The following SV2C variants were observed in gnomAD, a reference collection of about 807,000 sequenced individuals.
SV2C encodes the protein synaptic vesicle glycoprotein 2C.
SV2C carries 49 observed loss-of-function variants against 79.7 expected under a neutral mutation model. That is an observed-to-expected ratio of 0.61 (90% CI 0.49 to 0.78). The LOEUF (loss-of-function observed/expected upper bound fraction) is 0.78, where lower values mean the gene tolerates loss of function less well. SV2C is among the 30% of genes least tolerant of loss of function. The pLI, the probability that SV2C is intolerant of heterozygous loss-of-function variation, is 0.00. For missense variants in SV2C, 833 were observed against 912.9 expected (o/e 0.91, Z 1.13); for synonymous variants, 334 against 333.2 (o/e 1.00, Z -0.03).
chr5:75,907,491 G>T, the SV2C span, among the ~76,000 whole-genome samples: 1 of 152,032 alleles, frequency 6.6e-6, no homozygotes, highest in Admixed American at 6.6e-5. Flanking sequence ...GGGGAGGATG[G>T]GATATGGGGA....
chr5:76,053,112 C>CAA, the SV2C span, among the ~76,000 whole-genome samples: 1,725 of 139,544 alleles, frequency 0.012, 46 homozygotes, highest in African/African-American at 0.04. Flanking sequence ...CAATATGGGC[C>CAA]AAAAAAAAAA....
chr5:75,972,021 G>A, the SV2C span, among the ~76,000 whole-genome samples: 556 of 152,074 alleles, frequency 3.7e-3, 5 homozygotes, highest in African/African-American at 0.012. Flanking sequence ...AAATAATGCC[G>A]CATATCTACA....
the SV2C span, among the ~76,000 whole-genome samples, chr5:75,982,282 C>T: frequency 5.3e-5 from 8 of 150,556 alleles, no homozygotes; most frequent in African/African-American, 1.7e-4. Flanking sequence ...AAAAACCCAA[C>T]TCCATTAAAA....
the SV2C span, among the ~76,000 whole-genome samples, chr5:75,926,562 C>T: frequency 2.6e-5 from 4 of 152,090 alleles, no homozygotes; most frequent in Non-Finnish European, 4.4e-5. Context: ...GCTGATTCTA[C>T]TTTTTATCTG....
chr5:76,008,140 C>T, the SV2C span, among the ~76,000 whole-genome samples: 1 of 152,184 alleles, frequency 6.6e-6, no homozygotes, highest in East Asian at 1.9e-4. Flanking sequence ...CTCTTGCTTA[C>T]ATTCTCACAG....
At chr5:75,926,602 C>A in the SV2C span, among the ~76,000 whole-genome samples, 1 of 152,104 alleles carries the variant, frequency 6.6e-6, no homozygotes, top group African/African-American at 2.4e-5. Context: ...GGCTCTGAAT[C>A]CAAGCCACTA....
chr5:76,202,078 C>T (rs971177875), intron 3 of SV2C, among the ~76,000 whole-genome samples: 1 of 151,176 alleles, frequency 6.6e-6, no homozygotes, highest in South Asian at 2.1e-4. Context: ...TTATTGCTTC[C>T]AAATATTCAA....
chr5:76,322,053 A>G (rs557004746), intron 12 of SV2C, among the ~76,000 whole-genome samples: 6 of 152,304 alleles, frequency 3.9e-5, no homozygotes, highest in African/African-American at 1.4e-4. Context: ...TTTCACCTCC[A>G]TAGTATCTGA....
the SV2C span, among the ~76,000 whole-genome samples, chr5:75,969,610 C>G: frequency 6.6e-6 from 1 of 152,190 alleles, no homozygotes; most frequent in East Asian, 1.9e-4. Flanking sequence ...ATCAATTCAA[C>G]AAGAAGAACT....
the SV2C span, among the ~76,000 whole-genome samples, chr5:76,053,291 A>G: frequency 6.6e-6 from 1 of 152,120 alleles, no homozygotes; most frequent in Non-Finnish European, 1.5e-5. Flanking sequence ...AAAACTCCCA[A>G]TTGACACAAG....
At chr5:76,119,396 G>T (rs1268721050) in intron 1 of SV2C, among the ~76,000 whole-genome samples, 1 of 152,192 alleles carries the variant, frequency 6.6e-6, no homozygotes, top group Non-Finnish European at 1.5e-5. Flanking sequence ...GATGCCAGAA[G>T]TGGAAAAGGA....
the SV2C span, among the ~76,000 whole-genome samples, chr5:76,033,964 A>G: frequency 2.6e-5 from 4 of 152,110 alleles, no homozygotes; most frequent in Non-Finnish European, 5.9e-5. Context: ...GGTCCTTCCC[A>G]TCCCTTGTAA....
chr5:75,861,105 G>A, the SV2C span, among the ~76,000 whole-genome samples: 2 of 152,096 alleles, frequency 1.3e-5, no homozygotes, highest in East Asian at 1.9e-4. Flanking sequence ...TCCAGAATCT[G>A]TAAGGAACAT....
intron 12 of SV2C, among the ~76,000 whole-genome samples, chr5:76,308,357 C>G (rs1223942768): frequency 6.6e-6 from 1 of 152,184 alleles, no homozygotes; most frequent in Non-Finnish European, 1.5e-5. Flanking sequence ...CTCATTACCA[C>G]CCAGCAGGGA....
chr5:75,881,055 C>A, the SV2C span, among the ~76,000 whole-genome samples: 1 of 152,096 alleles, frequency 6.6e-6, no homozygotes, highest in Admixed American at 6.6e-5. Flanking sequence ...CACTTTTAAA[C>A]AACCAGATCC....
At chr5:76,066,795 T>TAAA in the SV2C span, among the ~76,000 whole-genome samples, 6 of 122,118 alleles carry the variant, frequency 4.9e-5, no homozygotes, top group African/African-American at 1.8e-4. Context: ...AGGACCCTGT[T>TAAA]AAAAAAAAAA....
intron 2 of SV2C, among the ~76,000 whole-genome samples, chr5:76,138,486 A>T (rs767767452): frequency 2.0e-5 from 3 of 152,206 alleles, no homozygotes; most frequent in Non-Finnish European, 2.9e-5. Flanking sequence ...TTAATAGAAG[A>T]TATCACCTGT....
chr5:75,870,187 A>G, the SV2C span, among the ~76,000 whole-genome samples: 2 of 152,290 alleles, frequency 1.3e-5, no homozygotes, highest in Middle Eastern at 3.4e-3. Context: ...AATTCTAGAG[A>G]AACAAAGACA....
At chr5:75,998,554 G>A in the SV2C span, among the ~76,000 whole-genome samples, 1 of 152,060 alleles carries the variant, frequency 6.6e-6, no homozygotes, top group African/African-American at 2.4e-5. Context: ...AGAGAATCTA[G>A]AACATGGAAT....
Sources: allele counts gnomAD v4.1 joint callset (sites outside exome capture counted in the v4.1 genomes callset), GRCh38; gene constraint gnomAD v4.1.1; transcripts MANE v1.5; gene names NCBI Gene and HGNC (gene_info 2026-07-23, HGNC 2026-07-21).